The following GHR variants were observed in gnomAD, a reference collection of about 807,000 sequenced individuals.
GHR encodes the protein GH receptor.
A neutral mutation model predicts 67.1 loss-of-function variants in GHR; 35 were observed. The observed-to-expected ratio is 0.52, with a 90% CI of 0.40 to 0.69. The LOEUF is 0.69. GHR is among the 30% of genes least tolerant of loss of function. GHR has a pLI of 0.00. For synonymous variants in GHR, 272 were observed against 269.1 expected, an observed-to-expected ratio of 1.01 and a Z score of -0.10; for missense variants, 792 against 764.6, an observed-to-expected ratio of 1.04 and a Z score of -0.42.
chr5:42,465,833 G>C, intron 1 of GHR: 1 of 766,974 alleles, frequency 1.3e-6, no homozygotes. Flanking sequence ...ACCTTGAATA[G>C]GTCGGTCAAT....
chr5:42,632,831 T>A (rs892093241), intron 3 of GHR, among the ~76,000 whole-genome samples: 1 of 152,202 alleles, frequency 6.6e-6, no homozygotes, highest in Non-Finnish European at 1.5e-5. Context: ...AACAACTTTT[T>A]TATATTTTAA....
rs1486927117 is a variant in GHR at position 42,719,522 on chromosome 5, G to A, written c.*98G>A. ...AACAATGTTTAAACCTTTTTTGGGG[G>A]AGTGACAGGATGGGGTATGGATTCT... On this transcript the variant is annotated 3_prime_UTR_variant, in exon 10 of 10. Transcript: ENST00000230882. 7.0e-6 allele frequency: 8 copies of A among 1,149,506 alleles called. No individual in the cohort carries two copies. The highest frequency in any genetic ancestry group is 1.7e-5 in the Admixed American group (1 of 59,450). The allele number at this position is 1,149,506 out of a possible 1,614,324, so 71.2% of individuals were successfully genotyped here.
intron 1 of GHR, among the ~76,000 whole-genome samples, chr5:42,507,260 G>T (rs1238888190): frequency 6.6e-6 from 1 of 152,222 alleles, no homozygotes; most frequent in Non-Finnish European, 1.5e-5. Context: ...ATTAGTCGTT[G>T]TAAGTATCCC....
intron 8 of GHR, 108 bp downstream of exon 8, chr5:42,713,627 T>A: frequency 6.9e-6 from 5 of 725,430 alleles, no homozygotes; most frequent in Non-Finnish European, 1.3e-5. Flanking sequence ...GAGTGGAAAT[T>A]TTAGTTAACC....
intron 3 of GHR, among the ~76,000 whole-genome samples, chr5:42,644,448 T>C (rs1311002360): frequency 1.3e-5 from 2 of 152,120 alleles, no homozygotes; most frequent in East Asian, 1.9e-4. Context: ...GCAACAAAGT[T>C]ATGTAATAAG....
At chr5:42,681,930 C>T (rs529924670) in intron 3 of GHR, among the ~76,000 whole-genome samples, 34 of 100,504 alleles carry the variant, frequency 3.4e-4, no homozygotes, top group South Asian at 7.5e-4. Flanking sequence ...GGCAAGACTC[C>T]GTCTCAAAAA....
chr5:42,474,135 G>A (rs556834761), intron 1 of GHR, among the ~76,000 whole-genome samples: 1 of 151,664 alleles, frequency 6.6e-6, no homozygotes, highest in Admixed American at 6.6e-5. Flanking sequence ...GTAGTAGTGA[G>A]CCAAGATTGT....
intron 1 of GHR, among the ~76,000 whole-genome samples, chr5:42,532,918 C>T (rs1277719567): frequency 6.6e-6 from 1 of 152,016 alleles, no homozygotes; most frequent in East Asian, 1.9e-4. Flanking sequence ...ACATTTCCCT[C>T]AGGGTGCATG....
In GHR at chr5:42,424,463, G is replaced by A. The variant is rs1179944819; in HGVS notation, c.-12+508G>A. The A allele has an allele frequency of 1.7e-5, 13 of 746,410 alleles. No homozygotes were observed. The highest frequency in any genetic ancestry group is 3.0e-5 in the Non-Finnish European group (13 of 437,288). 46.2% of individuals were successfully genotyped at this position (746,410 alleles called of 1,614,324 possible). A position where few individuals can be genotyped will look rare whatever the true frequency, so the allele number is the denominator to read the frequency against. On this transcript the variant is annotated intron_variant, in intron 1 of 9. Coordinates refer to ENST00000230882, the MANE Select transcript of GHR (RefSeq NM_000163.5). The surrounding 1 kb of genome is among the most constrained non-coding windows in gnomAD (Gnocchi z 4.1). ...CCGGCAGCGCGACTGGAGAGACTGGGGAGGTCGAGCTGTGCGCGTGGACAC... is the reference window on the plus strand; with the variant it reads ...CCGGCAGCGCGACTGGAGAGACTGGAGAGGTCGAGCTGTGCGCGTGGACAC...
At chr5:42,654,282 C>G (rs1205624951) in intron 3 of GHR, among the ~76,000 whole-genome samples, 1 of 152,142 alleles carries the variant, frequency 6.6e-6, no homozygotes, top group African/African-American at 2.4e-5. Flanking sequence ...CTGTGGTTTT[C>G]TTGAGCATTA....
intron 2 of GHR, among the ~76,000 whole-genome samples, chr5:42,575,706 T>A (rs1377010128): frequency 7.0e-6 from 1 of 142,906 alleles, no homozygotes; most frequent in East Asian, 2.0e-4. Flanking sequence ...GGTGTGGGAG[T>A]GAAACCACAC....
chr5:42,710,802 T>C (rs1161139540), intron 6 of GHR, among the ~76,000 whole-genome samples: 1 of 152,180 alleles, frequency 6.6e-6, no homozygotes, highest in Non-Finnish European at 1.5e-5. Flanking sequence ...ACAATTTATT[T>C]TGGTGTGAAA....
chr5:42,704,528 T>A (rs4866947), intron 6 of GHR, among the ~76,000 whole-genome samples: 99,473 of 151,710 alleles, frequency 0.66, 33,772 homozygotes, highest in East Asian at 0.84. Context: ...TCTTGTAGTG[T>A]CCTTTCATGG....
chr5:42,695,557 T>C (rs756141545), intron 5 of GHR, among the ~76,000 whole-genome samples: 3 of 152,188 alleles, frequency 2.0e-5, no homozygotes, highest in Non-Finnish European at 2.9e-5. Context: ...GAATTTTACA[T>C]TTACAAAACA....
At chr5:42,518,919 T>C in intron 1 of GHR, among the ~76,000 whole-genome samples, 1 of 152,172 alleles carries the variant, frequency 6.6e-6, no homozygotes, top group East Asian at 1.9e-4. Context: ...GTCATGTGAC[T>C]TTTTCTTGGT....
intron 1 of GHR, among the ~76,000 whole-genome samples, chr5:42,435,196 C>T (rs1743272228): frequency 6.6e-6 from 1 of 152,068 alleles, no homozygotes; most frequent in South Asian, 2.1e-4. Flanking sequence ...ACTAGGGCTT[C>T]AGTGAGTCCC....
intron 2 of GHR, among the ~76,000 whole-genome samples, chr5:42,617,975 C>G (rs953843848): frequency 3.2e-4 from 48 of 151,998 alleles, no homozygotes; most frequent in Admixed American, 2.5e-3. Flanking sequence ...CGTTTTGACT[C>G]TCATTTAATT....
chr5:42,674,229 T>G lies in GHR; in HGVS notation c.137-14661T>G, dbSNP rs140889881. 9.5e-4 allele frequency among the ~76,000 whole-genome samples: 145 copies of G among 152,284 alleles called. 1 individual carries two copies. The East Asian group carries it at 0.02, about 21-fold the overall frequency. On this transcript the variant is annotated intron_variant, in intron 3 of 9. Transcript: ENST00000230882. ...CAGTGACAGGCCAAAATTAATGAGC[T>G]GTGATTTTTAAACTGAAAAAGTGAC...
intron 2 of GHR, among the ~76,000 whole-genome samples, chr5:42,573,537 CT>C (rs1750455290): frequency 1.3e-5 from 2 of 151,604 alleles, no homozygotes; most frequent in Admixed American, 6.6e-5. Context: ...CACCATCCCC[CT>C]GACACCACCT....
Sources: gnomAD v4.1 joint callset for allele counts (sites outside exome capture counted in the v4.1 genomes callset) on GRCh38, gnomAD v4.1.1 for gene constraint, Gnocchi (gnomAD v3.1) non-coding constraint, MANE v1.5 for transcripts, NCBI Gene and HGNC (gene_info 2026-07-23, HGNC 2026-07-21) for gene names.